RBMS3: variants seen among roughly 807,000 people sequenced by gnomAD.
The protein encoded by RBMS3 is RNA binding motif single stranded interacting protein 3, also known as RNA-binding motif, single-stranded-interacting protein 3.
In RBMS3, 27 loss-of-function variants were observed where a neutral mutation model predicts 66.8. The observed-to-expected ratio is 0.40, with a 90% CI of 0.30 to 0.56. The LOEUF (loss-of-function observed/expected upper bound fraction) is 0.56, where lower values mean the gene tolerates loss of function less well. RBMS3 is among the 20% of genes least tolerant of loss of function. RBMS3 has a pLI of 0.40. For missense variants in RBMS3, 513 were observed against 549.5 expected (o/e 0.93, Z 0.66); for synonymous variants, 188 against 183.0 (o/e 1.03, Z -0.22).
intron 6 of RBMS3, among the ~76,000 whole-genome samples, chr3:29,768,947 G>A (rs1292046097): frequency 1.2e-4 from 18 of 151,808 alleles, no homozygotes; most frequent in Admixed American, 6.6e-5. Flanking sequence ...ATTCAAGTTG[G>A]GGGTTCTAGA....
chr3:29,994,957 A>G (rs1002283169), intron 14 of RBMS3, among the ~76,000 whole-genome samples: 3 of 152,236 alleles, frequency 2.0e-5, no homozygotes, highest in Admixed American at 1.3e-4. Flanking sequence ...AGAAGGCTTC[A>G]GAAGATCAAA....
At chr3:29,688,343 C>G (rs1308098487) in intron 4 of RBMS3, among the ~76,000 whole-genome samples, 3 of 151,970 alleles carry the variant, frequency 2.0e-5, no homozygotes, top group African/African-American at 7.3e-5. Flanking sequence ...TTAATGCACT[C>G]TTGTTAATAG....
intron 4 of RBMS3, among the ~76,000 whole-genome samples, chr3:29,732,718 G>GA (rs986430552): frequency 3.3e-5 from 5 of 152,034 alleles, no homozygotes; most frequent in Non-Finnish European, 7.4e-5. Flanking sequence ...TTCAAAGTGA[G>GA]AAAAAACATT....
intron 1 of RBMS3, among the ~76,000 whole-genome samples, chr3:29,349,126 T>C (rs909431977): frequency 6.6e-6 from 1 of 152,188 alleles, no homozygotes; most frequent in African/African-American, 2.4e-5. Context: ...GCCTTTACTG[T>C]GGATGTTTGA....
At chr3:29,361,982 A>T (rs147485019) in intron 1 of RBMS3, among the ~76,000 whole-genome samples, 1 of 152,042 alleles carries the variant, frequency 6.6e-6, no homozygotes, top group Non-Finnish European at 1.5e-5. Flanking sequence ...ACTTCTTTGC[A>T]ATGGGTTTGA....
At chr3:29,452,761 A>G (rs1047103860) in intron 2 of RBMS3, among the ~76,000 whole-genome samples, 3 of 152,194 alleles carry the variant, frequency 2.0e-5, no homozygotes, top group Non-Finnish European at 2.9e-5. Flanking sequence ...TTGCAATAAA[A>G]TGGAAAGAAA....
chr3:29,790,013 A>T (rs1018006975), intron 6 of RBMS3, among the ~76,000 whole-genome samples: 30 of 152,330 alleles, frequency 2.0e-4, no homozygotes, highest in African/African-American at 6.7e-4. Context: ...AATCTTAAAG[A>T]CAAAAGGTGT....
At chr3:29,481,570 G>C (rs1003939605) in intron 2 of RBMS3, among the ~76,000 whole-genome samples, 1 of 152,160 alleles carries the variant, frequency 6.6e-6, no homozygotes, top group Non-Finnish European at 1.5e-5. Context: ...CTGGTGGAAA[G>C]ATTAGGAGGG....
chr3:29,439,023 A>T (rs1054349866), intron 2 of RBMS3, among the ~76,000 whole-genome samples: 2 of 152,208 alleles, frequency 1.3e-5, no homozygotes, highest in African/African-American at 4.8e-5. Flanking sequence ...GATTTAACTA[A>T]TCTAGAAAAA....
At chr3:29,660,356 A>G (rs1330456945) in intron 4 of RBMS3, among the ~76,000 whole-genome samples, 1 of 152,084 alleles carries the variant, frequency 6.6e-6, no homozygotes, top group Non-Finnish European at 1.5e-5. Flanking sequence ...AGCCACAACC[A>G]CCCTTGCACT....
chr3:29,445,788 TTTC>T (rs2041809782), intron 2 of RBMS3, among the ~76,000 whole-genome samples: 1 of 152,172 alleles, frequency 6.6e-6, no homozygotes, highest in Middle Eastern at 3.2e-3. Context: ...TTTTGTTTTA[TTTC>T]TTATCTGTTG....
intron 3 of RBMS3, among the ~76,000 whole-genome samples, chr3:29,491,526 G>A (rs887809914): frequency 1.9e-4 from 29 of 152,150 alleles, no homozygotes; most frequent in African/African-American, 6.5e-4. Context: ...TGAGTTTGCT[G>A]CTTCAAAATA....
chr3:29,865,476 AG>A (rs1344425993), intron 6 of RBMS3, among the ~76,000 whole-genome samples: 1 of 152,236 alleles, frequency 6.6e-6, no homozygotes, highest in African/African-American at 2.4e-5. Flanking sequence ...AATTTTCTGT[AG>A]CCACTGGTCA....
intron 5 of RBMS3, among the ~76,000 whole-genome samples, chr3:29,757,098 A>G (rs2055452245): frequency 6.6e-6 from 1 of 152,122 alleles, no homozygotes; most frequent in African/African-American, 2.4e-5. Flanking sequence ...CAACCCACTA[A>G]TCAAGTCTTA....
intron 3 of RBMS3, among the ~76,000 whole-genome samples, chr3:29,525,586 G>A (rs2045061150): frequency 6.6e-6 from 1 of 152,180 alleles, no homozygotes; most frequent in Non-Finnish European, 1.5e-5. Context: ...GTTTCCTTGA[G>A]TCCAAAGGTC....
chr3:29,461,977 C>A (rs919997011), intron 2 of RBMS3, among the ~76,000 whole-genome samples: 10 of 131,920 alleles, frequency 7.6e-5, no homozygotes, highest in African/African-American at 2.6e-4. Context: ...GAGGTTTCAC[C>A]GTGTTAGCCA....
At chr3:29,446,042 G>A (rs1334509264) in intron 2 of RBMS3, among the ~76,000 whole-genome samples, 3 of 152,028 alleles carry the variant, frequency 2.0e-5, no homozygotes, top group African/African-American at 4.8e-5. Context: ...TCTATCATCC[G>A]CAGAGATTTT....
chr3:29,334,835 A>G (rs2035857341), intron 1 of RBMS3, among the ~76,000 whole-genome samples: 1 of 152,182 alleles, frequency 6.6e-6, no homozygotes, highest in African/African-American at 2.4e-5. Context: ...ACTGTTCTTT[A>G]TATGCAAAGC....
At chr3:29,347,557 T>G (rs568298174) in intron 1 of RBMS3, among the ~76,000 whole-genome samples, 2 of 152,304 alleles carry the variant, frequency 1.3e-5, no homozygotes, top group South Asian at 4.1e-4. Flanking sequence ...GAAAATGGTC[T>G]ATTGGGAAGA....
Sources: gnomAD v4.1 joint callset for allele counts (sites outside exome capture counted in the v4.1 genomes callset) on GRCh38, gnomAD v4.1.1 for gene constraint, MANE v1.5 for transcripts, NCBI Gene and HGNC (gene_info 2026-07-23, HGNC 2026-07-21) for gene names.